Variants in RAPGEF4 observed in about 807,000 individuals in gnomAD.
RAPGEF4 encodes Rap guanine nucleotide exchange factor 4.
RAPGEF4 carries 66 observed loss-of-function variants against 147.9 expected under a neutral mutation model. The ratio of observed to expected loss-of-function variants is 0.45; its 90% confidence interval spans 0.37 to 0.55. The LOEUF (loss-of-function observed/expected upper bound fraction) is 0.55. Ranked by LOEUF, RAPGEF4 falls within the 20% of genes least tolerant of loss-of-function variation. RAPGEF4 has a pLI of 0.00. For missense variants in RAPGEF4, 1,071 were observed against 1,257.3 expected (o/e 0.85, Z 2.24); for synonymous variants, 419 against 442.7 (o/e 0.95, Z 0.67).
chr2:172,990,790 G>A lies in RAPGEF4; in HGVS notation c.1375-20G>A. On this transcript the variant is annotated intron_variant, in intron 14 of 30. Transcript: ENST00000397081. ...TGAGTAAGCGGCAGCATCTGTATGT[G>A]GTGTAATTTGTATTTGCAGGACGTG... is the stretch of plus-strand genomic sequence containing the variant. 1 of 1,573,274 alleles carries A rather than the reference G, an allele frequency of 6.4e-7. No individual in the cohort carries two copies. Among genetic ancestry groups the A allele is most frequent in the African/African-American group, 1.3e-5 (1 of 74,192 alleles).
At chr2:172,969,066 A>G (rs1690178914) in intron 10 of RAPGEF4, among the ~76,000 whole-genome samples, 1 of 152,244 alleles carries the variant, frequency 6.6e-6, no homozygotes, top group Admixed American at 6.5e-5. Context: ...CTCACTGGGC[A>G]GTGGCTAGGA....
intron 8 of RAPGEF4, among the ~76,000 whole-genome samples, chr2:172,961,835 G>A (rs930836843): frequency 6.6e-6 from 1 of 152,202 alleles, no homozygotes; most frequent in Non-Finnish European, 1.5e-5. Flanking sequence ...TGTGTTTCAA[G>A]CTCTAAGAAT....
chr2:172,836,364 T>C (rs1358097033), intron 4 of RAPGEF4, among the ~76,000 whole-genome samples: 1 of 152,238 alleles, frequency 6.6e-6, no homozygotes, highest in East Asian at 1.9e-4. Context: ...AAAGGTGTGA[T>C]GCCTTTGGCA....
rs1689957248 is a variant in RAPGEF4, at chr2:172,967,385, C to G, written c.945C>G (p.Thr315=). Residue 315 remains threonine, a synonymous_variant, in exon 10 of 31, where the codon ACC becomes ACG. Transcript: ENST00000397081. ...AGTGTGATGAGGAGCTCCAGGACAC[C>G]ATGCTGCTGCTGTCACAGATGGGCC... ...KKECDEELQD[T]MLLLSQMGPD... is the part of the protein sequence containing the mutation. 1 of 1,611,976 alleles carries G rather than the reference C, an allele frequency of 6.2e-7. No individual in the cohort carries two copies. Among genetic ancestry groups the G allele is most frequent in the Non-Finnish European group, 8.5e-7 (1 of 1,179,808 alleles).
Position 172,826,913 on chromosome 2 carries a change from C to T in RAPGEF4, c.444+12488C>T, listed in dbSNP as rs571850191. On this transcript the variant is annotated intron_variant, in intron 4 of 30. Transcript: ENST00000397081. ...CTGGGAGCTTGAGGCTGCAGTGAGC[C>T]ATGATCATGCCACTGCACTCCAGCC... Among the ~76,000 whole-genome samples, 3 of 150,558 alleles carry T rather than the reference C, an allele frequency of 2.0e-5. No individual in the cohort carries two copies. In the South Asian group the frequency reaches 6.3e-4, roughly 32 times the overall value.
intron 5 of RAPGEF4, among the ~76,000 whole-genome samples, chr2:172,920,485 A>G (rs556704577): frequency 9.1e-4 from 139 of 152,258 alleles, no homozygotes; most frequent in African/African-American, 3.0e-3. Context: ...GTTATGTCTT[A>G]AACGTCTTTT....
At chr2:173,039,113 A>G (rs376233747) in intron 29 of RAPGEF4, among the ~76,000 whole-genome samples, 1 of 152,178 alleles carries the variant, frequency 6.6e-6, no homozygotes, top group African/African-American at 2.4e-5. Context: ...ATTAATGGAA[A>G]CCTAAATTAA....
chr2:172,990,812 C>T lies in RAPGEF4; in HGVS notation c.1377C>T (p.Asp459=), dbSNP rs1446496365. 6.8e-6 allele frequency: 11 copies of T among 1,610,584 alleles called. No homozygotes were observed. The highest frequency in any genetic ancestry group is 4.4e-5 in the South Asian group (4 of 90,784). The change falls in exon 15 of 31, where the codon GAC becomes GAT. Residue 459 remains aspartate (D), a splice_region_variant and synonymous_variant. Coordinates refer to ENST00000397081, the MANE Select transcript of RAPGEF4 (RefSeq NM_007023.4). ...DKEDFNRILR[D]VEANTVRLKE... ...TGTGGTGTAATTTGTATTTGCAGGA[C>T]GTGGAGGCGAATACAGTCAGACTTA... is the stretch of plus-strand genomic sequence containing the variant.
In RAPGEF4 at chr2:172,967,362, T is replaced by C. The variant is rs146330323; in HGVS notation, c.922T>C (p.Cys308Arg). ...GCCTACTGAGGAGGAGAAGAAGGAGTGTGATGAGGAGCTCCAGGACACCAT... is the reference window on the plus strand; with the variant it reads ...GCCTACTGAGGAGGAGAAGAAGGAGCGTGATGAGGAGCTCCAGGACACCAT... ...PLPTEEEKKE[C>R]DEELQDTMLL... The change falls in exon 10 of 31, where the codon TGT becomes CGT. Residue 308 changes from cysteine to arginine, a missense_variant. By Grantham distance (180) the Cys-to-Arg change is radical. Coordinates refer to ENST00000397081, the MANE Select transcript of RAPGEF4 (RefSeq NM_007023.4). 398 of 1,611,228 alleles carry C rather than the reference T, an allele frequency of 2.5e-4. 5 individuals carry two copies. The East Asian group carries it at 6.3e-3, about 26-fold the overall frequency.
chr2:172,797,595 T>C lies in RAPGEF4; in HGVS notation c.279T>C (p.Ser93=). The C allele has an allele frequency of 6.2e-7, 1 of 1,613,400 alleles. No homozygotes were observed. Among genetic ancestry groups the C allele is most frequent in the Non-Finnish European group, 8.5e-7 (1 of 1,179,476 alleles). Reference sequence around the variant, plus strand: ...CAGGGTCTTTGGATGTTAAAGTATCTGAGACCAGCAGTCACCAGGTAATAT... The same window carrying C: ...CAGGGTCTTTGGATGTTAAAGTATCCGAGACCAGCAGTCACCAGGTAATAT... ...VLAGSLDVKV[S]ETSSHQDAVT... The change falls in exon 3 of 31, where the codon TCT becomes TCC. Residue 93 remains serine (S), a synonymous_variant. Coordinates refer to ENST00000397081, the MANE Select transcript of RAPGEF4 (RefSeq NM_007023.4).
At chr2:172,901,425 A>G (rs1356887904) in intron 4 of RAPGEF4, among the ~76,000 whole-genome samples, 2 of 152,234 alleles carry the variant, frequency 1.3e-5, no homozygotes, top group Admixed American at 1.3e-4. Flanking sequence ...AGATTTGACC[A>G]TGTACATCAT....
chr2:172,783,140 C>T (rs956324620), intron 1 of RAPGEF4, among the ~76,000 whole-genome samples: 3 of 152,224 alleles, frequency 2.0e-5, no homozygotes, highest in Admixed American at 1.3e-4. Flanking sequence ...TGGTCTGGCC[C>T]TCTGCCTAAT....
intron 10 of RAPGEF4, among the ~76,000 whole-genome samples, chr2:172,982,561 TA>T (rs1691797084): frequency 6.6e-6 from 1 of 152,226 alleles, no homozygotes; most frequent in Non-Finnish European, 1.5e-5. Flanking sequence ...CTACCATTAA[TA>T]TAAACACTAT....
At chr2:172,945,070 A>G (rs541678886) in intron 6 of RAPGEF4, among the ~76,000 whole-genome samples, 1 of 152,152 alleles carries the variant, frequency 6.6e-6, no homozygotes, top group Non-Finnish European at 1.5e-5. Flanking sequence ...AGAACTTAAT[A>G]TATCATGCTA....
chr2:172,891,137 A>G (rs1697860888), intron 4 of RAPGEF4, among the ~76,000 whole-genome samples: 1 of 150,960 alleles, frequency 6.6e-6, no homozygotes, highest in South Asian at 2.1e-4. Context: ...TCTTTAAGGA[A>G]AAAAAAAAGG....
chr2:173,014,596 G>A lies in RAPGEF4; in HGVS notation c.1791G>A (p.Val597=), dbSNP rs755813506. 3 of 1,613,320 alleles carry A rather than the reference G, an allele frequency of 1.9e-6. No homozygotes were observed. Among genetic ancestry groups the A allele is most frequent in the East Asian group, 2.2e-5 (1 of 44,868 alleles). ...MYGDLLQEDD[V]SMAFLEEFYV... ...GAGACCTCCTGCAAGAGGATGACGTGTCTATGGCCTTCCTGGAGGTAGGCA... is the reference window on the plus strand; with the variant it reads ...GAGACCTCCTGCAAGAGGATGACGTATCTATGGCCTTCCTGGAGGTAGGCA... Residue 597 remains valine, a synonymous_variant, in exon 18 of 31, where the codon GTG becomes GTA. Coordinates refer to ENST00000397081, the MANE Select transcript of RAPGEF4 (RefSeq NM_007023.4).
chr2:172,852,146 C>T (rs1692914833), intron 4 of RAPGEF4, among the ~76,000 whole-genome samples: 1 of 152,122 alleles, frequency 6.6e-6, no homozygotes, highest in Non-Finnish European at 1.5e-5. Context: ...AAAGCAGTAA[C>T]TCTGCAGACA....
intron 10 of RAPGEF4, among the ~76,000 whole-genome samples, chr2:172,975,699 A>G (rs981705943): frequency 2.0e-5 from 3 of 152,234 alleles, no homozygotes; most frequent in Admixed American, 2.0e-4. Flanking sequence ...AGGAAGAAGT[A>G]ACAATGCATT....
chr2:173,004,729 C>A (rs1364192846), intron 17 of RAPGEF4, among the ~76,000 whole-genome samples: 4 of 151,942 alleles, frequency 2.6e-5, no homozygotes, highest in African/African-American at 9.7e-5. Flanking sequence ...CAAAGTTCAC[C>A]TGGCATCTCA....
Sources: allele counts gnomAD v4.1 joint callset (sites outside exome capture counted in the v4.1 genomes callset), GRCh38; gene constraint gnomAD v4.1.1; transcripts MANE v1.5; gene names NCBI Gene and HGNC (gene_info 2026-07-23, HGNC 2026-07-21).